MACC1: variants seen among roughly 807,000 people sequenced by gnomAD.
MACC1 encodes MET transcriptional regulator MACC1.
A neutral mutation model predicts 70.7 loss-of-function variants in MACC1; 79 were observed. That is an observed-to-expected ratio of 1.12 (90% confidence interval 0.93 to 1.35). The LOEUF (loss-of-function observed/expected upper bound fraction) is 1.35, where lower values mean the gene tolerates loss of function less well. Among genes scored for constraint, MACC1 ranks in the 40% most tolerant of loss-of-function variants. The pLI is 0.00. For missense variants in MACC1, 1,106 were observed against 978.1 expected (o/e 1.13, Z -1.74); for synonymous variants, 361 against 347.2 (o/e 1.04, Z -0.44).
rs1260389588 is a variant in MACC1, at chr7:20,137,605, CA to C, written c.*3340del. 6.6e-6 allele frequency: 1 copy of C among 152,152 alleles called. No individual in the cohort carries two copies. Among genetic ancestry groups the C allele is most frequent in the Non-Finnish European group, 1.5e-5 (1 of 68,008 alleles). The allele number at this position is 152,152 out of a possible 1,614,324, so 9.4% of individuals were successfully genotyped here. A position where few individuals can be genotyped will look rare whatever the true frequency, so the allele number is the denominator to read the frequency against. ...GAACCATGTAAACATTTTCTGCTTT[CA>C]AAATGCTTAAAGAAGTTTTAGATTA... On this transcript the variant is annotated 3_prime_UTR_variant, in exon 7 of 7. Coordinates refer to ENST00000400331, the MANE Select transcript of MACC1 (RefSeq NM_182762.4).
chr7:20,188,343 T>C (rs1385920387), intron 1 of MACC1, among the ~76,000 whole-genome samples: 1 of 152,200 alleles, frequency 6.6e-6, no homozygotes, highest in Non-Finnish European at 1.5e-5. Flanking sequence ...GTGGGTGAGC[T>C]GCCCGTGCTA....
At chr7:20,209,135 G>A (rs1782957461) in intron 1 of MACC1, among the ~76,000 whole-genome samples, 1 of 152,228 alleles carries the variant, frequency 6.6e-6, no homozygotes, top group Non-Finnish European at 1.5e-5. Context: ...CCTCTACTAG[G>A]GCAGGGAAGA....
chr7:20,200,023 ATGTGTGTG>A (rs57904550), intron 1 of MACC1, among the ~76,000 whole-genome samples: 95 of 149,258 alleles, frequency 6.4e-4, no homozygotes, highest in African/African-American at 2.3e-3. Context: ...CTATACCATT[ATGTGTGTG>A]TGTGTGTGTG....
chr7:20,212,444 A>C (rs1583415255), intron 1 of MACC1, among the ~76,000 whole-genome samples: 2 of 152,310 alleles, frequency 1.3e-5, no homozygotes, highest in East Asian at 3.9e-4. Flanking sequence ...AAGAGAAAAC[A>C]AAACCTGGGA....
Position 20,187,676 on chromosome 7 carries a change from C to T in MACC1, c.-217-16898G>A, listed in dbSNP as rs183722671. ...CTTCTTGGAACTGAAGGAAAGCACA[C>T]AATCCTACTGATCAGACTTGCTTTC... On this transcript the variant is annotated intron_variant, in intron 1 of 6. Coordinates refer to ENST00000400331, the MANE Select transcript of MACC1 (RefSeq NM_182762.4). 2.1e-3 allele frequency among the ~76,000 whole-genome samples: 313 copies of T among 152,314 alleles called. 2 individuals carry two copies. The highest frequency in any genetic ancestry group is 7.1e-3 in the African/African-American group (294 of 41,570).
intron 1 of MACC1, among the ~76,000 whole-genome samples, chr7:20,196,065 C>A (rs775418203): frequency 2.1e-4 from 32 of 152,234 alleles, no homozygotes; most frequent in Middle Eastern, 3.4e-3. Context: ...GTTTTCAAGA[C>A]TTCTCTGGGG....
Position 20,161,097 on chromosome 7 carries a change from T to A in MACC1, c.115+651A>T, listed in dbSNP as rs149206805. ...CTCACAACATTGAAGCCATTTTTTG[T>A]TTGTGTAGAGCAACTCGTACTTGGT... On this transcript the variant is annotated intron_variant, in intron 4 of 6. Coordinates refer to ENST00000400331, the MANE Select transcript of MACC1 (RefSeq NM_182762.4). Among the ~76,000 whole-genome samples the A allele has an allele frequency of 3.7e-3, 569 of 152,184 alleles. 1 individual carries two copies. Among genetic ancestry groups the A allele is most frequent in the Non-Finnish European group, 6.2e-3 (418 of 67,920 alleles).
chr7:20,167,126 G>C (rs747242808), intron 2 of MACC1, among the ~76,000 whole-genome samples: 1 of 151,962 alleles, frequency 6.6e-6, no homozygotes, highest in Non-Finnish European at 1.5e-5. Flanking sequence ...ATCATGCATG[G>C]CTTTTCTTGT....
chr7:20,179,962 A>AT (rs1451275076), intron 1 of MACC1, among the ~76,000 whole-genome samples: 1 of 152,086 alleles, frequency 6.6e-6, no homozygotes, highest in African/African-American at 2.4e-5. Context: ...GGGCCCAGAC[A>AT]TTTTTTTCTA....
chr7:20,200,771 A>G (rs2128108212), intron 1 of MACC1, among the ~76,000 whole-genome samples: 1 of 152,320 alleles, frequency 6.6e-6, no homozygotes. Flanking sequence ...TCTAAGAGCC[A>G]TTCAATATTT....
intron 1 of MACC1, among the ~76,000 whole-genome samples, chr7:20,212,375 A>G (rs947678336): frequency 2.0e-5 from 3 of 152,164 alleles, no homozygotes; most frequent in African/African-American, 7.2e-5. Context: ...TGTTTATTCC[A>G]AGGAAGGCCC....
At chr7:20,177,779 A>G (rs1782419422) in intron 1 of MACC1, among the ~76,000 whole-genome samples, 1 of 150,932 alleles carries the variant, frequency 6.6e-6, no homozygotes, top group Non-Finnish European at 1.5e-5. Context: ...GGGAAGTCAT[A>G]AATCCAATGA....
intron 1 of MACC1, among the ~76,000 whole-genome samples, chr7:20,195,535 G>A (rs1459388683): frequency 2.6e-5 from 4 of 152,158 alleles, no homozygotes; most frequent in Admixed American, 1.3e-4. Flanking sequence ...GCAAATATTC[G>A]TATATATGAC....
chr7:20,206,458 G>T (rs1782911882), intron 1 of MACC1, among the ~76,000 whole-genome samples: 1 of 152,006 alleles, frequency 6.6e-6, no homozygotes, highest in Non-Finnish European at 1.5e-5. Context: ...ACCTTCCATT[G>T]GGATTTTCTC....
At chr7:20,181,218 C>A (rs1274127232) in intron 1 of MACC1, among the ~76,000 whole-genome samples, 1 of 151,870 alleles carries the variant, frequency 6.6e-6, no homozygotes, top group Non-Finnish European at 1.5e-5. Context: ...CAATTTGATT[C>A]CATATCAGGT....
At chr7:20,179,864 C>T (rs1051585811) in intron 1 of MACC1, among the ~76,000 whole-genome samples, 1 of 152,174 alleles carries the variant, frequency 6.6e-6, no homozygotes, top group Non-Finnish European at 1.5e-5. Context: ...CTTTCACACA[C>T]AAAGTGTGGT....
At chr7:20,193,424 A>C (rs1247747480) in intron 1 of MACC1, among the ~76,000 whole-genome samples, 2 of 152,264 alleles carry the variant, frequency 1.3e-5, no homozygotes, top group East Asian at 3.8e-4. Flanking sequence ...TATATTACAG[A>C]TAAAACTTGG....
At chr7:20,157,261 A>AT (rs1029995404) in intron 5 of MACC1, among the ~76,000 whole-genome samples, 5 of 151,874 alleles carry the variant, frequency 3.3e-5, no homozygotes, top group South Asian at 4.1e-4. Flanking sequence ...TATGATCTTG[A>AT]TTTTTTTTAT....
intron 1 of MACC1, among the ~76,000 whole-genome samples, chr7:20,180,510 T>C (rs751124981): frequency 4.0e-5 from 6 of 150,916 alleles, no homozygotes; most frequent in African/African-American, 7.3e-5. Context: ...AATAGCAAAA[T>C]AGAAATATTG....
Sources: gnomAD v4.1 joint callset for allele counts (sites outside exome capture counted in the v4.1 genomes callset) on GRCh38, gnomAD v4.1.1 for gene constraint, MANE v1.5 for transcripts, NCBI Gene and HGNC (gene_info 2026-07-23, HGNC 2026-07-21) for gene names.